BRINP3: variants seen among roughly 807,000 people sequenced by gnomAD.
BRINP3 encodes the protein BMP/retinoic acid-inducible neural-specific protein 3.
In BRINP3, 19 loss-of-function variants were observed where a neutral mutation model predicts 71.0. The observed-to-expected ratio is 0.27, with a 90% confidence interval of 0.19 to 0.39. The LOEUF is 0.39. Among genes scored for constraint, BRINP3 ranks in the 10% least tolerant of loss-of-function variants. BRINP3 has a pLI of 1.00. For missense variants in BRINP3, 959 were observed against 940.8 expected (o/e 1.02, Z -0.25); for synonymous variants, 380 against 337.7 (o/e 1.13, Z -1.37).
In BRINP3 at chr1:190,250,480, C is replaced by T. The variant is rs146649832; in HGVS notation, c.618+14385G>A. On this transcript the variant is annotated intron_variant, in intron 4 of 7. Transcript: ENST00000367462. Reference sequence around the variant, plus strand: ...TTGCTGTAGTACTTTTGGGTCTCTACTCACTTCCTTTCCAGTTACCACCAA... The same window carrying T: ...TTGCTGTAGTACTTTTGGGTCTCTATTCACTTCCTTTCCAGTTACCACCAA... Among the ~76,000 whole-genome samples the T allele has an allele frequency of 6.5e-3, 994 of 152,060 alleles. 6 individuals are homozygous for T. Among genetic ancestry groups the T allele is most frequent in the African/African-American group, 0.021 (884 of 41,520 alleles).
intron 4 of BRINP3, among the ~76,000 whole-genome samples, chr1:190,258,197 C>T (rs759497277): frequency 6.6e-5 from 10 of 152,180 alleles, no homozygotes; most frequent in Non-Finnish European, 1.0e-4. Context: ...CAATGACGGA[C>T]GCCCCTCCCC....
intron 2 of BRINP3, among the ~76,000 whole-genome samples, chr1:190,298,100 T>A (rs1206098049): frequency 1.3e-5 from 2 of 152,094 alleles, no homozygotes; most frequent in African/African-American, 4.8e-5. Context: ...TTAATATGAG[T>A]TGTCAAATAT....
At chr1:190,393,364 G>A (rs549775147) in intron 2 of BRINP3, among the ~76,000 whole-genome samples, 5 of 151,490 alleles carry the variant, frequency 3.3e-5, no homozygotes, top group African/African-American at 1.2e-4. Flanking sequence ...TTCTGCCTTC[G>A]GTGCAATTCT....
At chr1:190,399,935 T>C (rs1262738967) in intron 2 of BRINP3, among the ~76,000 whole-genome samples, 1 of 151,756 alleles carries the variant, frequency 6.6e-6, no homozygotes, top group Non-Finnish European at 1.5e-5. Context: ...CTAAGAATAG[T>C]AGTTTGATCA....
chr1:190,367,305 C>T (rs1160256273), intron 2 of BRINP3, among the ~76,000 whole-genome samples: 1 of 152,124 alleles, frequency 6.6e-6, no homozygotes, highest in Non-Finnish European at 1.5e-5. Context: ...AATGGCCCTA[C>T]CTGTACCTTG....
At chr1:190,242,461 A>T (rs1227750169) in intron 4 of BRINP3, among the ~76,000 whole-genome samples, 1 of 152,058 alleles carries the variant, frequency 6.6e-6, no homozygotes, top group African/African-American at 2.4e-5. Context: ...ATCCAGGATG[A>T]CTCACATCTT....
At chr1:190,142,102 C>T (rs1253604144) in intron 7 of BRINP3, among the ~76,000 whole-genome samples, 4 of 152,044 alleles carry the variant, frequency 2.6e-5, no homozygotes, top group South Asian at 2.1e-4. Context: ...TTGGACTCAA[C>T]CTTTCTACCT....
At chr1:190,186,777 A>G (rs1460605130) in intron 6 of BRINP3, among the ~76,000 whole-genome samples, 2 of 152,160 alleles carry the variant, frequency 1.3e-5, no homozygotes, top group Non-Finnish European at 2.9e-5. Flanking sequence ...CTCCAAATTC[A>G]GAAGTGGTGC....
chr1:190,172,909 G>T (rs563129252), intron 6 of BRINP3, among the ~76,000 whole-genome samples: 1 of 152,200 alleles, frequency 6.6e-6, no homozygotes, highest in Non-Finnish European at 1.5e-5. Flanking sequence ...ACTTCACAAT[G>T]GCCAGATGCA....
chr1:190,241,562 T>C (rs1376434957), intron 4 of BRINP3, among the ~76,000 whole-genome samples: 3 of 152,070 alleles, frequency 2.0e-5, no homozygotes, highest in African/African-American at 7.2e-5. Context: ...GTGTAGTATA[T>C]TGGGTCATTC....
chr1:190,218,434 G>A (rs1312589512), intron 6 of BRINP3, among the ~76,000 whole-genome samples: 4 of 151,924 alleles, frequency 2.6e-5, no homozygotes, highest in Non-Finnish European at 5.9e-5. Flanking sequence ...TTTAATTGAT[G>A]TGTATTTTAT....
chr1:190,408,633 T>C (rs1026076219), intron 2 of BRINP3, among the ~76,000 whole-genome samples: 1 of 152,176 alleles, frequency 6.6e-6, no homozygotes, highest in Admixed American at 6.5e-5. Flanking sequence ...GTTTGTATAC[T>C]TTTTTACTTT....
intron 7 of BRINP3, among the ~76,000 whole-genome samples, chr1:190,158,355 A>G (rs1329641653): frequency 6.6e-6 from 1 of 152,060 alleles, no homozygotes; most frequent in Non-Finnish European, 1.5e-5. Flanking sequence ...TTTTCTTCCC[A>G]GTCTCAAATA....
intron 2 of BRINP3, among the ~76,000 whole-genome samples, chr1:190,425,316 A>C (rs1429796113): frequency 6.6e-6 from 1 of 151,826 alleles, no homozygotes. Context: ...AAATGATTTA[A>C]CAATTTCAAA....
At chr1:190,223,992 A>G (rs1309170616) in intron 6 of BRINP3, among the ~76,000 whole-genome samples, 1 of 151,828 alleles carries the variant, frequency 6.6e-6, no homozygotes, top group African/African-American at 2.4e-5. Flanking sequence ...AGTACAAGAA[A>G]ACACACAAAT....
intron 6 of BRINP3, among the ~76,000 whole-genome samples, chr1:190,184,750 G>A (rs1050452205): frequency 1.3e-5 from 2 of 152,104 alleles, no homozygotes; most frequent in Admixed American, 6.6e-5. Context: ...TGGGAAGGAG[G>A]GAGGGAGACA....
chr1:190,108,423 G>A (rs143830996), intron 7 of BRINP3, among the ~76,000 whole-genome samples: 269 of 151,558 alleles, frequency 1.8e-3, no homozygotes, highest in African/African-American at 6.1e-3. Flanking sequence ...TTTAAAAGTC[G>A]GCTCATTTAA....
intron 6 of BRINP3, among the ~76,000 whole-genome samples, chr1:190,219,248 A>G (rs542606444): frequency 1.4e-4 from 22 of 152,190 alleles, no homozygotes; most frequent in African/African-American, 5.3e-4. Flanking sequence ...CCTCCTCAAA[A>G]AGACAGAACA....
intron 6 of BRINP3, among the ~76,000 whole-genome samples, chr1:190,203,838 G>A (rs1431286817): frequency 5.3e-5 from 6 of 112,252 alleles, no homozygotes; most frequent in African/African-American, 1.9e-4. Flanking sequence ...GGGCACGTTG[G>A]CATTTTATCT....
Sources: gnomAD v4.1 joint callset for allele counts (sites outside exome capture counted in the v4.1 genomes callset) on GRCh38, gnomAD v4.1.1 for gene constraint, MANE v1.5 for transcripts, NCBI Gene and HGNC (gene_info 2026-07-23, HGNC 2026-07-21) for gene names.